The following IMPG1 variants were observed in gnomAD, a reference collection of about 807,000 sequenced individuals.
IMPG1 encodes interphotoreceptor matrix proteoglycan of 150 kDa.
Under a neutral mutation model 92.0 loss-of-function variants are expected in IMPG1, and 85 were observed. The ratio of observed to expected loss-of-function variants is 0.92; its 90% CI spans 0.78 to 1.11. IMPG1 has a LOEUF of 1.11. IMPG1 is among the 50% of genes least tolerant of loss of function. The probability of loss-of-function intolerance (pLI) is 0.00; values close to 1 mark genes in which losing one functional copy is unlikely to be tolerated. For missense variants in IMPG1, 1,022 were observed against 956.0 expected (o/e 1.07, Z -0.91); for synonymous variants, 367 against 334.1 (o/e 1.10, Z -1.08).
intron 5 of IMPG1, 117 bp downstream of exon 5, chr6:76,025,077 G>C: frequency 1.4e-6 from 1 of 690,200 alleles, no homozygotes; most frequent in South Asian, 1.7e-5. Flanking sequence ...ATATAAGCTA[G>C]TTTTGAGAAA....
intron 14 of IMPG1, among the ~76,000 whole-genome samples, chr6:75,938,536 GAT>G (rs1309146855): frequency 2.0e-5 from 3 of 152,252 alleles, no homozygotes; most frequent in Non-Finnish European, 2.9e-5. Context: ...TTCTGGGCCA[GAT>G]GTGGTGGCTC....
intron 12 of IMPG1, among the ~76,000 whole-genome samples, chr6:75,986,112 C>T (rs1782713858): frequency 6.6e-6 from 1 of 152,006 alleles, no homozygotes; most frequent in African/African-American, 2.4e-5. Context: ...GAACCATGTA[C>T]CATGGGTTTT....
At chr6:76,013,772 C>T (rs933993465) in intron 7 of IMPG1, among the ~76,000 whole-genome samples, 2 of 152,238 alleles carry the variant, frequency 1.3e-5, no homozygotes, top group African/African-American at 4.8e-5. Context: ...TACCATTCCA[C>T]TGTGTTGTCA....
intron 1 of IMPG1, among the ~76,000 whole-genome samples, chr6:76,055,675 A>AAGAAG (rs150618358): frequency 0.026 from 3,932 of 152,134 alleles, 140 homozygotes; most frequent in African/African-American, 0.087. Context: ...TGATCCAATA[A>AAGAAG]AGAAGACAAA....
At chr6:75,968,185 T>TA (rs1385896304) in intron 12 of IMPG1, among the ~76,000 whole-genome samples, 1 of 152,352 alleles carries the variant, frequency 6.6e-6, no homozygotes, top group East Asian at 1.9e-4. Flanking sequence ...AGTGTTCTGA[T>TA]AATTTTATCT....
At chr6:75,993,343 C>T (rs1265315967) in intron 12 of IMPG1, among the ~76,000 whole-genome samples, 2 of 152,104 alleles carry the variant, frequency 1.3e-5, no homozygotes, top group East Asian at 3.8e-4. Flanking sequence ...ATTTATTTCT[C>T]ACAACTCAGG....
Position 75,934,505 on chromosome 6 carries a change from C to A in IMPG1, c.2045-3354G>T, listed in dbSNP as rs554110138. Among the ~76,000 whole-genome samples, 9 of 152,236 alleles carry A rather than the reference C, an allele frequency of 5.9e-5. No individual in the cohort carries two copies. The South Asian group carries it at 1.7e-3, about 28-fold the overall frequency. ...GGAAGTTTGTTTCCCAGCTCTCCAC[C>A]GTGTGATCAAAAAGCATTTAAATGA... is the stretch of plus-strand genomic sequence containing the variant. On this transcript the variant is annotated intron_variant, in intron 14 of 16. Coordinates refer to ENST00000369950, the MANE Select transcript of IMPG1 (RefSeq NM_001563.4).
chr6:75,953,686 C>T (rs1415973219), intron 12 of IMPG1, among the ~76,000 whole-genome samples: 1 of 150,592 alleles, frequency 6.6e-6, no homozygotes, highest in African/African-American at 2.4e-5. Context: ...ATAGGTATAA[C>T]TGTGCCATGG....
chr6:76,030,327 C>T (rs1783632358), intron 4 of IMPG1, among the ~76,000 whole-genome samples: 1 of 151,826 alleles, frequency 6.6e-6, no homozygotes, highest in African/African-American at 2.4e-5. Context: ...TTTTCATTCT[C>T]TCTCTCATGT....
intron 14 of IMPG1, chr6:75,935,060 G>C (rs1781721876): frequency 2.1e-6 from 1 of 468,348 alleles, no homozygotes; most frequent in East Asian, 7.0e-5. Context: ...TTTCGTGGAC[G>C]TTTTTTCCAA....
intron 12 of IMPG1, among the ~76,000 whole-genome samples, chr6:75,981,304 A>G (rs1782623007): frequency 6.6e-6 from 1 of 152,172 alleles, no homozygotes; most frequent in Non-Finnish European, 1.5e-5. Flanking sequence ...AAGGGAAGAA[A>G]ATTCAACTTT....
At chr6:75,924,708 TATATA>T (rs1562335311) in intron 15 of IMPG1, among the ~76,000 whole-genome samples, 230 of 4,730 alleles carry the variant, frequency 0.049, 55 homozygotes, top group African/African-American at 0.067. Context: ...TTATATATAA[TATATA>T]ATATATAATA....
chr6:75,945,717 G>T (rs1181693228), intron 14 of IMPG1, among the ~76,000 whole-genome samples: 1 of 152,110 alleles, frequency 6.6e-6, no homozygotes, highest in African/African-American at 2.4e-5. Context: ...TCAACATTTA[G>T]GGCTGGGGAT....
chr6:75,971,331 G>T (rs57592738), intron 12 of IMPG1, among the ~76,000 whole-genome samples: 1 of 129,906 alleles, frequency 7.7e-6, no homozygotes, highest in South Asian at 2.9e-4. Context: ...GGTCGGGGGA[G>T]GGGGGAGGGA....
At chr6:75,972,110 A>G (rs1782430276) in intron 12 of IMPG1, among the ~76,000 whole-genome samples, 1 of 152,202 alleles carries the variant, frequency 6.6e-6, no homozygotes. Flanking sequence ...TTCACATACA[A>G]GAATGTCCAC....
chr6:75,994,269 C>G (rs1039807821), intron 12 of IMPG1, among the ~76,000 whole-genome samples: 2 of 152,180 alleles, frequency 1.3e-5, no homozygotes, highest in African/African-American at 4.8e-5. Context: ...ATAGCTGCCT[C>G]TAGCTCAATA....
At chr6:75,987,650 T>TC (rs1312162780) in intron 12 of IMPG1, among the ~76,000 whole-genome samples, 1 of 150,688 alleles carries the variant, frequency 6.6e-6, no homozygotes, top group African/African-American at 2.4e-5. Flanking sequence ...CTCATCACTT[T>TC]TTTTTTTTTT....
chr6:75,961,403 C>T (rs1031103100), intron 12 of IMPG1, among the ~76,000 whole-genome samples: 3 of 152,138 alleles, frequency 2.0e-5, no homozygotes, highest in African/African-American at 7.2e-5. Context: ...TAATTATCCA[C>T]TCATTCAACA....
chr6:75,953,414 C>A (rs778356477), intron 12 of IMPG1, among the ~76,000 whole-genome samples: 1 of 151,772 alleles, frequency 6.6e-6, no homozygotes. Context: ...TTATACCTCC[C>A]CTATCCCTCC....
Sources: gnomAD v4.1 joint callset for allele counts (sites outside exome capture counted in the v4.1 genomes callset) on GRCh38, gnomAD v4.1.1 for gene constraint, MANE v1.5 for transcripts, NCBI Gene and HGNC (gene_info 2026-07-23, HGNC 2026-07-21) for gene names.